Variants in NOS1AP observed in about 807,000 individuals in gnomAD.
NOS1AP encodes carboxyl-terminal PDZ ligand of neuronal nitric oxide synthase protein.
In NOS1AP, 21 loss-of-function variants were observed where a neutral mutation model predicts 56.2. That is an observed-to-expected ratio of 0.37 (90% CI 0.26 to 0.54). The LOEUF is 0.54. Ranked by LOEUF, NOS1AP falls within the 20% of genes least tolerant of loss-of-function variation. The probability of loss-of-function intolerance (pLI) is 0.84; values close to 1 mark genes in which losing one functional copy is unlikely to be tolerated. For synonymous variants in NOS1AP, 270 were observed against 274.6 expected (o/e 0.98, Z 0.17); for missense variants, 522 against 657.8 (o/e 0.79, Z 2.26).
chr1:162,241,856 G>A (rs1653498569), intron 2 of NOS1AP, among the ~76,000 whole-genome samples: 1 of 152,178 alleles, frequency 6.6e-6, no homozygotes, highest in Non-Finnish European at 1.5e-5. Context: ...TGGCTGCATG[G>A]TGCCATCTCT....
At chr1:162,273,709 G>A (rs532233227) in intron 2 of NOS1AP, among the ~76,000 whole-genome samples, 1 of 151,830 alleles carries the variant, frequency 6.6e-6, no homozygotes, top group Non-Finnish European at 1.5e-5. Flanking sequence ...TGATTTTGGG[G>A]GTATAGTATT....
At chr1:162,130,581 G>A (rs1241236523) in intron 1 of NOS1AP, among the ~76,000 whole-genome samples, 1 of 152,130 alleles carries the variant, frequency 6.6e-6, no homozygotes, top group Non-Finnish European at 1.5e-5. Flanking sequence ...AGTACATTAG[G>A]CCATCTCTGC....
chr1:162,111,502 A>G (rs1460422169), intron 1 of NOS1AP, among the ~76,000 whole-genome samples: 1 of 152,200 alleles, frequency 6.6e-6, no homozygotes, highest in African/African-American at 2.4e-5. Context: ...GAGGAATGAC[A>G]TATTTCTTTC....
intron 2 of NOS1AP, among the ~76,000 whole-genome samples, chr1:162,171,741 T>A (rs763815055): frequency 6.6e-5 from 10 of 152,062 alleles, no homozygotes. Context: ...CTTCCCAGTT[T>A]GGGCCTCCAC....
chr1:162,137,302 G>C (rs534099453), intron 1 of NOS1AP, among the ~76,000 whole-genome samples: 1 of 152,144 alleles, frequency 6.6e-6, no homozygotes, highest in Non-Finnish European at 1.5e-5. Flanking sequence ...GGCCACTCCT[G>C]CCACCCTGTG....
At chr1:162,316,588 G>A (rs1404398167) in intron 4 of NOS1AP, among the ~76,000 whole-genome samples, 2 of 152,236 alleles carry the variant, frequency 1.3e-5, no homozygotes, top group African/African-American at 2.4e-5. Flanking sequence ...CAACATGGCT[G>A]TTTATTTCAC....
intron 4 of NOS1AP, among the ~76,000 whole-genome samples, chr1:162,328,373 T>A (rs1245507927): frequency 6.6e-6 from 1 of 152,126 alleles, no homozygotes; most frequent in Non-Finnish European, 1.5e-5. Flanking sequence ...TAAAATAAAC[T>A]TAAGAAAGGA....
At chr1:162,128,779 C>T (rs1361835522) in intron 1 of NOS1AP, among the ~76,000 whole-genome samples, 2 of 152,144 alleles carry the variant, frequency 1.3e-5, no homozygotes, top group Non-Finnish European at 2.9e-5. Flanking sequence ...TGTTTCACAT[C>T]CCACCCCCTG....
intron 1 of NOS1AP, among the ~76,000 whole-genome samples, chr1:162,109,486 G>A (rs1404629529): frequency 3.9e-5 from 6 of 152,096 alleles, no homozygotes; most frequent in Non-Finnish European, 7.4e-5. Flanking sequence ...TAAAATAAAG[G>A]GCTGATGAGG....
chr1:162,220,847 A>G (rs1312571923), intron 2 of NOS1AP, among the ~76,000 whole-genome samples: 2 of 152,226 alleles, frequency 1.3e-5, no homozygotes, highest in Non-Finnish European at 2.9e-5. Context: ...ATGATCTACC[A>G]TATAAATATG....
At chr1:162,214,832 C>G (rs142495607) in intron 2 of NOS1AP, among the ~76,000 whole-genome samples, 7 of 152,132 alleles carry the variant, frequency 4.6e-5, no homozygotes, top group Admixed American at 3.9e-4. Context: ...TCTGTCTGTA[C>G]GCTAACATTT....
At chr1:162,311,733 T>G (rs1345654732) in intron 4 of NOS1AP, among the ~76,000 whole-genome samples, 4 of 132,172 alleles carry the variant, frequency 3.0e-5, no homozygotes, top group African/African-American at 2.8e-5. Flanking sequence ...CCCTCCCCCC[T>G]CCCCCCACCC....
intron 3 of NOS1AP, among the ~76,000 whole-genome samples, chr1:162,293,645 G>A (rs1571196996): frequency 6.6e-6 from 1 of 152,348 alleles, no homozygotes; most frequent in Non-Finnish European, 1.5e-5. Flanking sequence ...ACCCCATTCA[G>A]TGGTCTTACA....
At chr1:162,329,263 T>C (rs79133364) in intron 4 of NOS1AP, among the ~76,000 whole-genome samples, 3,644 of 152,124 alleles carry the variant, frequency 0.024, 68 homozygotes, top group Non-Finnish European at 0.036. Context: ...TGTGGTGGCT[T>C]ACACCTATAA....
intron 2 of NOS1AP, among the ~76,000 whole-genome samples, chr1:162,182,063 G>A (rs1651282701): frequency 6.6e-6 from 1 of 152,140 alleles, no homozygotes; most frequent in Non-Finnish European, 1.5e-5. Flanking sequence ...TGGTCAGAGA[G>A]CCATCTTCCT....
intron 2 of NOS1AP, among the ~76,000 whole-genome samples, chr1:162,258,401 T>A (rs1053142850): frequency 1.3e-5 from 2 of 152,176 alleles, no homozygotes; most frequent in Non-Finnish European, 2.9e-5. Flanking sequence ...GGAAGAATTA[T>A]TGTAAGAACA....
intron 1 of NOS1AP, among the ~76,000 whole-genome samples, chr1:162,131,613 C>G (rs1293865986): frequency 6.6e-6 from 1 of 151,972 alleles, no homozygotes; most frequent in Non-Finnish European, 1.5e-5. Context: ...AGGGACATTT[C>G]CCTGGGAGGT....
At chr1:162,159,694 C>G (rs1437033527) in intron 2 of NOS1AP, among the ~76,000 whole-genome samples, 1 of 152,132 alleles carries the variant, frequency 6.6e-6, no homozygotes, top group Non-Finnish European at 1.5e-5. Flanking sequence ...TGGCATGGTG[C>G]CCATCTGTGC....
intron 1 of NOS1AP, among the ~76,000 whole-genome samples, chr1:162,121,505 G>T (rs987170443): frequency 6.6e-6 from 1 of 152,154 alleles, no homozygotes; most frequent in Non-Finnish European, 1.5e-5. Context: ...ACAGCTGGTA[G>T]TGACAGATAT....
Sources: gnomAD v4.1 joint callset for allele counts (sites outside exome capture counted in the v4.1 genomes callset) on GRCh38, gnomAD v4.1.1 for gene constraint, MANE v1.5 for transcripts, NCBI Gene and HGNC (gene_info 2026-07-23, HGNC 2026-07-21) for gene names.